IRAG1: variants seen among roughly 807,000 people sequenced by gnomAD.
The protein encoded by IRAG1 is inositol 1,4,5-triphosphate receptor associated 1.
In IRAG1, 62 loss-of-function variants were observed where a neutral mutation model predicts 106.2. That is an observed-to-expected ratio of 0.58 (90% CI 0.48 to 0.72). The LOEUF (loss-of-function observed/expected upper bound fraction) is 0.72. IRAG1 is among the 30% of genes least tolerant of loss of function. The probability of loss-of-function intolerance (pLI) is 0.00; values close to 1 mark genes in which losing one functional copy is unlikely to be tolerated. For synonymous variants in IRAG1, 462 were observed against 443.9 expected, an observed-to-expected ratio of 1.04 and a Z score of -0.51; for missense variants, 1,064 against 1,140.7, an observed-to-expected ratio of 0.93 and a Z score of 0.97.
intron 1 of IRAG1, among the ~76,000 whole-genome samples, chr11:10,678,000 T>C (rs1860831554): frequency 7.2e-6 from 1 of 138,644 alleles, no homozygotes; most frequent in African/African-American, 2.8e-5. Context: ...TCATTATCTA[T>C]CTCTCTATCT....
Position 10,628,668 on chromosome 11 carries a change from G to T in IRAG1, c.652+83C>A. On this transcript the variant is annotated intron_variant, in intron 6 of 20. Transcript: ENST00000423302. The surrounding 1 kb of genome is among the most constrained non-coding windows in gnomAD (Gnocchi z 4.1). ...TTCTTGAAGGGGAAGCCTGCAGGCT[G>T]GGAGGCATGCTGATCTGTCCAGGCT... 1 of 1,148,256 alleles carries T rather than the reference G, an allele frequency of 8.7e-7. No individual in the cohort carries two copies. Among genetic ancestry groups the T allele is most frequent in the Non-Finnish European group, 1.2e-6 (1 of 833,046 alleles). 71.1% of individuals were successfully genotyped at this position (1,148,256 alleles called of 1,614,324 possible).
At chr11:10,692,153 G>A (rs1034218505) in intron 1 of IRAG1, among the ~76,000 whole-genome samples, 10 of 151,978 alleles carry the variant, frequency 6.6e-5, no homozygotes, top group African/African-American at 2.4e-4. Context: ...AAAGATAGGT[G>A]CATCCGCTGT....
intron 14 of IRAG1, 85 bp from the exon 15 acceptor site, chr11:10,601,144 C>A: frequency 6.5e-7 from 1 of 1,548,512 alleles, no homozygotes; most frequent in Non-Finnish European, 8.7e-7. Flanking sequence ...AGGGTCTGGG[C>A]TAGGAGAATC....
chr11:10,683,042 G>C (rs10770134), intron 1 of IRAG1, among the ~76,000 whole-genome samples: 27,031 of 152,074 alleles, frequency 0.18, 2,913 homozygotes, highest in Non-Finnish European at 0.24. Flanking sequence ...GTGGAGTATA[G>C]GAAGGAAATT....
intron 1 of IRAG1, among the ~76,000 whole-genome samples, chr11:10,690,041 A>G (rs986304943): frequency 2.6e-5 from 4 of 152,224 alleles, no homozygotes; most frequent in Non-Finnish European, 5.9e-5. Context: ...AAGTAACCAG[A>G]GCTGATTAAG....
chr11:10,589,415 A>G (rs1259731680), intron 18 of IRAG1, among the ~76,000 whole-genome samples: 1 of 151,992 alleles, frequency 6.6e-6, no homozygotes, highest in African/African-American at 2.4e-5. Context: ...TAAATTTTCC[A>G]CTTTATATTT....
chr11:10,627,663 A>G, intron 8 of IRAG1, 53 bp downstream of exon 8: 1 of 1,600,060 alleles, frequency 6.2e-7, no homozygotes, highest in Non-Finnish European at 8.6e-7. Context: ...GGCTTCTAGG[A>G]GACTGTGCCC....
intron 10 of IRAG1, among the ~76,000 whole-genome samples, chr11:10,610,818 T>G (rs966715117): frequency 6.6e-6 from 1 of 152,218 alleles, no homozygotes; most frequent in Non-Finnish European, 1.5e-5. Context: ...CTCAACCTCT[T>G]TAGTTGACCC....
At chr11:10,631,098 A>T (rs1856656354) in intron 4 of IRAG1, among the ~76,000 whole-genome samples, 1 of 152,214 alleles carries the variant, frequency 6.6e-6, no homozygotes, top group Non-Finnish European at 1.5e-5. Flanking sequence ...AACACACAAG[A>T]AAAAAGGTTC....
Position 10,628,733 on chromosome 11 carries a change from C to T in IRAG1, c.652+18G>A, listed in dbSNP as rs200978543. On this transcript the variant is annotated intron_variant, in intron 6 of 20. Coordinates refer to ENST00000423302, the MANE Select transcript of IRAG1 (RefSeq NM_130385.4). This position sits in a 1 kb window ranked among gnomAD's most constrained non-coding sequence, Gnocchi z 4.1. Reference sequence around the variant, plus strand: ...AGCGAGAGGCAGGGCAGGAAGTCCCCGGGCAGCTGGGCCTCACCTGGCGGG... The same window carrying T: ...AGCGAGAGGCAGGGCAGGAAGTCCCTGGGCAGCTGGGCCTCACCTGGCGGG... 31 of 1,519,340 alleles carry T rather than the reference C, an allele frequency of 2.0e-5. No individual in the cohort carries two copies. The African/African-American group carries it at 2.3e-4, about 11-fold the overall frequency. 94.1% of individuals were successfully genotyped at this position (1,519,340 alleles called of 1,614,324 possible).
chr11:10,633,062 T>A (rs1381869498), intron 3 of IRAG1, among the ~76,000 whole-genome samples: 1 of 147,022 alleles, frequency 6.8e-6, no homozygotes, highest in African/African-American at 2.5e-5. Flanking sequence ...TTTCCTTTTC[T>A]TTTTCTTTCT....
chr11:10,602,449 A>G (rs918613120), intron 14 of IRAG1, among the ~76,000 whole-genome samples: 1 of 152,218 alleles, frequency 6.6e-6, no homozygotes, highest in African/African-American at 2.4e-5. Context: ...ACAGCGAATG[A>G]AGGTTGGAGC....
At chr11:10,653,281 G>C (rs1245115868) in intron 1 of IRAG1, among the ~76,000 whole-genome samples, 1 of 152,194 alleles carries the variant, frequency 6.6e-6, no homozygotes, top group African/African-American at 2.4e-5. Flanking sequence ...CAGAACTGGA[G>C]CCCTGATTAA....
chr11:10,573,799 G>A lies in IRAG1; in HGVS notation c.*2533C>T, dbSNP rs1850696886. 1 of 152,240 alleles carries A rather than the reference G, an allele frequency of 6.6e-6. No individual in the cohort carries two copies. The highest frequency in any genetic ancestry group is 1.5e-5 in the Non-Finnish European group (1 of 68,094). 9.4% of individuals were successfully genotyped at this position (152,240 alleles called of 1,614,324 possible). ...TGAGCCTGGCCCTGCTTTAAGGGAG[G>A]CAGAGATTGAACATTCCCCACCTGG... On this transcript the variant is annotated 3_prime_UTR_variant, in exon 21 of 21. Transcript: ENST00000423302.
In IRAG1 at chr11:10,628,327, G is replaced by A. The variant is rs1856418880; in HGVS notation, c.653-302C>T. Among the ~76,000 whole-genome samples, 1 of 152,198 alleles carries A rather than the reference G, an allele frequency of 6.6e-6. No individual in the cohort carries two copies. The highest frequency in any genetic ancestry group is 2.4e-5 in the African/African-American group (1 of 41,454). ...TGCCCTGCCGCACTGATGAGGGCCGGTTGCCCTTCCTGGCACCCTCCCCCT... is the reference window on the plus strand; with the variant it reads ...TGCCCTGCCGCACTGATGAGGGCCGATTGCCCTTCCTGGCACCCTCCCCCT... On this transcript the variant is annotated intron_variant, in intron 6 of 20. Coordinates refer to ENST00000423302, the MANE Select transcript of IRAG1 (RefSeq NM_130385.4). This position sits in a 1 kb window ranked among gnomAD's most constrained non-coding sequence, Gnocchi z 4.1.
chr11:10,603,198 C>T lies in IRAG1; in HGVS notation c.1797G>A (p.Leu599=). The T allele has an allele frequency of 6.2e-7, 1 of 1,613,362 alleles. No individual in the cohort carries two copies. The highest frequency in any genetic ancestry group is 8.5e-7 in the Non-Finnish European group (1 of 1,179,706). Reference sequence around the variant, plus strand: ...GGTGCAGGACAGCGATGTCCTCCAGCAACTTCTGGTAGGTTTCCCGGTGCT... The same window carrying T: ...GGTGCAGGACAGCGATGTCCTCCAGTAACTTCTGGTAGGTTTCCCGGTGCT... ...HCEHRETYQK[L]LEDIAVLHRL... Residue 599 remains leucine, a synonymous_variant, in exon 14 of 21, where the codon TTG becomes TTA. Coordinates refer to ENST00000423302, the MANE Select transcript of IRAG1 (RefSeq NM_130385.4).
chr11:10,671,164 T>A (rs1353749010), intron 1 of IRAG1, among the ~76,000 whole-genome samples: 1 of 152,300 alleles, frequency 6.6e-6, no homozygotes, highest in South Asian at 2.1e-4. Flanking sequence ...CTAGACTAGG[T>A]CCCAAGAATT....
chr11:10,653,405 C>T (rs1184425404), intron 1 of IRAG1, among the ~76,000 whole-genome samples: 1 of 152,198 alleles, frequency 6.6e-6, no homozygotes, highest in East Asian at 1.9e-4. Context: ...TGAAAACATG[C>T]TCCACTACTC....
rs192150381 is a variant in IRAG1 at position 10,617,483 on chromosome 11, T to C, written c.1447+6295A>G. ...AATTGCTTCCTCCAAAGAAGAGAAA[T>C]TGGTTTCTGAAAGTACAAAGAATGT... On this transcript the variant is annotated intron_variant, in intron 10 of 20. Transcript: ENST00000423302. Among the ~76,000 whole-genome samples, 307 of 152,286 alleles carry C rather than the reference T, an allele frequency of 2.0e-3. 7 individuals carry two copies. Among genetic ancestry groups the C allele is most frequent in the Admixed American group, 0.02 (299 of 15,302 alleles).
Sources: gnomAD v4.1 joint callset for allele counts (sites outside exome capture counted in the v4.1 genomes callset) on GRCh38, gnomAD v4.1.1 for gene constraint, Gnocchi (gnomAD v3.1) non-coding constraint, MANE v1.5 for transcripts, NCBI Gene and HGNC (gene_info 2026-07-23, HGNC 2026-07-21) for gene names.